MVD: variants seen among roughly 807,000 people sequenced by gnomAD.
The protein encoded by MVD is mevalonate diphosphate decarboxylase, also known as diphosphomevalonate decarboxylase.
MVD carries 52 observed loss-of-function variants against 42.4 expected under a neutral mutation model. The observed-to-expected ratio is 1.23, with a 90% confidence interval of 0.98 to 1.55. The LOEUF (loss-of-function observed/expected upper bound fraction) is 1.55, where lower values mean the gene tolerates loss of function less well. Ranked by LOEUF, MVD falls within the 40% of genes most tolerant of loss-of-function variation. The probability of loss-of-function intolerance (pLI) is 0.00; values close to 1 mark genes in which losing one functional copy is unlikely to be tolerated. For missense variants in MVD, 663 were observed against 572.1 expected, an observed-to-expected ratio of 1.16 and a Z score of -1.62; for synonymous variants, 287 against 243.2, an observed-to-expected ratio of 1.18 and a Z score of -1.68.
At chr16:88,657,835 C>T (rs1238419859) in intron 3 of MVD, 80 bp downstream of exon 3, 10 of 1,449,592 alleles carry the variant, frequency 6.9e-6, no homozygotes, top group Non-Finnish European at 9.6e-6. Context: ...TCAGGAGGGG[C>T]ACAGAGGCAG....
At chr16:88,658,075 C>T (rs748590880) in intron 2 of MVD, 46 bp from the exon 3 acceptor site, 3 of 1,572,488 alleles carry the variant, frequency 1.9e-6, no homozygotes, top group Admixed American at 1.7e-5. Flanking sequence ...CATTGAGGAC[C>T]GATGCCAGCC....
chr16:88,656,484 C>G (rs1159608043), intron 4 of MVD, 180 bp from the exon 5 acceptor site: 1 of 654,918 alleles, frequency 1.5e-6, no homozygotes, highest in African/African-American at 1.8e-5. Flanking sequence ...TCCCCCACCT[C>G]CGCTAGTTCC....
Position 88,657,541 on chromosome 16 carries a change from C to A in MVD, c.298G>T (p.Asp100Tyr), listed in dbSNP as rs1299463719. ...ARKRRNSRDG[D>Y]PLPSSLSCKV... The stretch of plus-strand genomic sequence containing the variant: ...CAGCTGAGGCTGGAGGGCAGCGGGT[C>A]CCCATCCCGTGAGTTCCTCCGCTTC... The change falls in exon 4 of 10, where the codon GAC becomes TAC. Residue 100 changes from aspartate to tyrosine, a missense_variant. Coordinates refer to ENST00000301012, the MANE Select transcript of MVD (RefSeq NM_002461.3). 1 of 1,612,804 alleles carries A rather than the reference C, an allele frequency of 6.2e-7. No homozygotes were observed. The highest frequency in any genetic ancestry group is 1.3e-5 in the African/African-American group (1 of 75,064).
Position 88,652,489 on chromosome 16 carries a change from C to T in MVD, c.*36G>A, listed in dbSNP as rs749607895. 14 of 1,551,032 alleles carry T rather than the reference C, an allele frequency of 9.0e-6. No homozygotes were observed. Among genetic ancestry groups the T allele is most frequent in the Non-Finnish European group, 1.2e-5 (14 of 1,147,020 alleles). On this transcript the variant is annotated 3_prime_UTR_variant, in exon 10 of 10. Coordinates refer to ENST00000301012, the MANE Select transcript of MVD (RefSeq NM_002461.3). ...GCTCCCTAGCTCCGGCGAGGCCACC[C>T]CTTCTCCAAGCGGCATGCGGTCCCT... is the stretch of plus-strand genomic sequence containing the variant.
intron 5 of MVD, 42 bp downstream of exon 5, chr16:88,656,063 G>C (rs1223964669): frequency 6.5e-7 from 1 of 1,548,068 alleles, no homozygotes; most frequent in Admixed American, 1.7e-5. Context: ...ACTAGGGACA[G>C]AGGCCACCGG....
intron 3 of MVD, 154 bp from the exon 4 acceptor site, chr16:88,657,736 C>G: frequency 7.7e-7 from 1 of 1,305,700 alleles, no homozygotes. Flanking sequence ...CAGACTGACC[C>G]AAGCCCAGCT....
rs116232108 is a variant in MVD, at chr16:88,657,940, C to A, written c.231G>T (p.Pro77=). ...TCTCCCGCAGGCAGGCCTGCAGCCG[C>A]GGCTGCCCCACATCCTCCTCCCGGC... is the stretch of plus-strand genomic sequence containing the variant. ...LNGREEDVGQ[P]RLQACLREIR... is the part of the protein sequence containing the mutation. The change falls in exon 3 of 10, where the codon CCG becomes CCT. Residue 77 remains proline, a synonymous_variant. Coordinates refer to ENST00000301012, the MANE Select transcript of MVD (RefSeq NM_002461.3). The A allele has an allele frequency of 6.2e-7, 1 of 1,613,740 alleles. No homozygotes were observed. Among genetic ancestry groups the A allele is most frequent in the Non-Finnish European group, 8.5e-7 (1 of 1,180,008 alleles).
chr16:88,653,251 C>T (rs957479482), intron 9 of MVD, 49 bp downstream of exon 9: 2 of 1,501,000 alleles, frequency 1.3e-6, no homozygotes, highest in African/African-American at 2.8e-5. Flanking sequence ...GGCGGGCCCC[C>T]CTGGCAGGAA....
intron 6 of MVD, 59 bp downstream of exon 6, chr16:88,655,597 G>T: frequency 6.5e-7 from 1 of 1,537,494 alleles, no homozygotes. Flanking sequence ...GAGGCTGAGG[G>T]CAGAGCCGGG....
chr16:88,653,477 G>A lies in MVD; in HGVS notation c.1014-69C>T, dbSNP rs1033387056. 3.8e-6 allele frequency: 5 copies of A among 1,306,498 alleles called. No homozygotes were observed. The East Asian group carries it at 8.0e-5, about 21-fold the overall frequency. 80.9% of individuals were successfully genotyped at this position (1,306,498 alleles called of 1,614,324 possible). On this transcript the variant is annotated intron_variant, in intron 8 of 9. Coordinates refer to ENST00000301012, the MANE Select transcript of MVD (RefSeq NM_002461.3). ...TAAGCGTCTACAACAGTCTACAACA[G>A]GCAAGTCCAGAGATGGGAAGTGCAT... is the stretch of plus-strand genomic sequence containing the variant.
At chr16:88,662,654 G>C (rs1251257801) in intron 1 of MVD, 2 of 1,263,372 alleles carry the variant, frequency 1.6e-6, no homozygotes, top group African/African-American at 3.2e-5. Flanking sequence ...CCATCCTCCC[G>C]CCTCAGCCTC....
intron 1 of MVD, among the ~76,000 whole-genome samples, chr16:88,659,569 C>T (rs954611035): frequency 6.6e-6 from 1 of 152,164 alleles, no homozygotes; most frequent in African/African-American, 2.4e-5. Flanking sequence ...GAGCCCGGGG[C>T]TTTCTTTTCT....
chr16:88,657,548 C>G lies in MVD; in HGVS notation c.291G>C (p.Arg97=). The G allele has an allele frequency of 6.2e-7, 1 of 1,612,774 alleles. No homozygotes were observed. Among genetic ancestry groups the G allele is most frequent in the Non-Finnish European group, 8.5e-7 (1 of 1,179,898 alleles). The change falls in exon 4 of 10, where the codon CGG becomes CGC. Residue 97 remains arginine, a synonymous_variant. Coordinates refer to ENST00000301012, the MANE Select transcript of MVD (RefSeq NM_002461.3). ...RCLARKRRNS[R]DGDPLPSSLS... ...GGCTGGAGGGCAGCGGGTCCCCATC[C>G]CGTGAGTTCCTCCGCTTCCGGGCCA...
rs755659214 is a variant in MVD, at chr16:88,658,750, G to A, written c.71-30C>T. On this transcript the variant is annotated intron_variant, in intron 1 of 9. Transcript: ENST00000301012. The stretch of plus-strand genomic sequence containing the variant: ...AATGAACAGCCAGGGCCAGGCCGGT[G>A]GGCTTCCCGGCCCACCCTCCCCCAG... The A allele has an allele frequency of 3.2e-6, 5 of 1,578,340 alleles. No homozygotes were observed. In the South Asian group the frequency reaches 3.4e-5, roughly 11 times the overall value.
intron 7 of MVD, 48 bp downstream of exon 7, chr16:88,655,149 GAC>G: frequency 2.6e-6 from 4 of 1,537,334 alleles, no homozygotes; most frequent in Non-Finnish European, 2.6e-6. Context: ...CACAAGCCTA[GAC>G]ACGCGCTACA....
Position 88,655,684 on chromosome 16 carries a change from G to C in MVD, c.650C>G (p.Ala217Gly), listed in dbSNP as rs574614800. Residue 217 changes from alanine to glycine, a missense_variant, in exon 6 of 10, where the codon GCC (alanine) becomes GGC (glycine). Ala to Gly is a moderately conservative substitution (Grantham distance 60). Transcript: ENST00000301012. ...KLTGSTVGMR[A>G]SVETSPLLRF... ...AAGCAGGGGGCTGGTCTCCACACTGGCCCGCATGCCCACGGTACTGCCTGT... is the reference window on the plus strand; with the variant it reads ...AAGCAGGGGGCTGGTCTCCACACTGCCCCGCATGCCCACGGTACTGCCTGT... 291 of 1,558,548 alleles carry C rather than the reference G, an allele frequency of 1.9e-4. 3 individuals are homozygous for C. In the South Asian group the frequency reaches 3.1e-3, roughly 17 times the overall value.
Position 88,657,437 on chromosome 16 carries a change from T to C in MVD, c.402A>G (p.Leu134=). 1 of 1,601,564 alleles carries C rather than the reference T, an allele frequency of 6.2e-7. No homozygotes were observed. The highest frequency in any genetic ancestry group is 2.3e-5 in the East Asian group (1 of 44,198). Residue 134 remains leucine (L), a splice_region_variant and synonymous_variant, in exon 4 of 10, where the codon CTA becomes CTG. Coordinates refer to ENST00000301012, the MANE Select transcript of MVD (RefSeq NM_002461.3). ...CTGCGGGTCTCTGTGGGCACCCACC[T>C]AGGCAGGCATAGCCCGCCGCTGAGG... ...LASSAAGYAC[L]AYTLARVYGV...
rs1365415124 is a variant in MVD at position 88,655,337 on chromosome 16, G to T, written c.759C>A (p.Ala253=). 1.2e-6 allele frequency: 2 copies of T among 1,602,218 alleles called. No homozygotes were observed. Among genetic ancestry groups the T allele is most frequent in the Non-Finnish European group, 1.7e-6 (2 of 1,174,760 alleles). Residue 253 remains alanine, a synonymous_variant, in exon 7 of 10, where the codon GCC becomes GCA. Transcript: ENST00000301012. ...GGTTGCTGTCCTTCATGGTCAGCTG[G>T]GCGAAGCTGGGGAAGTCTCGCTCCC... is the stretch of plus-strand genomic sequence containing the variant. ...CIRERDFPSF[A]QLTMKDSNQF...
intron 1 of MVD, 111 bp from the exon 2 acceptor site, chr16:88,658,831 G>A (rs1479647818): frequency 9.8e-6 from 8 of 813,414 alleles, no homozygotes; most frequent in Admixed American, 4.7e-5. Context: ...CCTCAGTCCC[G>A]TCTCTCACCG....
Sources: allele counts gnomAD v4.1 joint callset (sites outside exome capture counted in the v4.1 genomes callset), GRCh38; gene constraint gnomAD v4.1.1; transcripts MANE v1.5; gene names NCBI Gene and HGNC (gene_info 2026-07-23, HGNC 2026-07-21).